Variants in LDB2 observed in about 807,000 individuals in gnomAD.
LDB2 encodes LIM domain binding 2.
In LDB2, 12 loss-of-function variants were observed where a neutral mutation model predicts 44.3. The ratio of observed to expected loss-of-function variants is 0.27; its 90% CI spans 0.17 to 0.44. LDB2 has a LOEUF of 0.44. Ranked by LOEUF, LDB2 falls within the 20% of genes least tolerant of loss-of-function variation. The pLI, the probability that LDB2 is intolerant of heterozygous loss-of-function variation, is 1.00. For missense variants in LDB2, 344 were observed against 473.5 expected (o/e 0.73, Z 2.54); for synonymous variants, 164 against 174.8 (o/e 0.94, Z 0.49).
At chr4:16,663,862 G>T (rs1317513908) in intron 2 of LDB2, among the ~76,000 whole-genome samples, 1 of 152,156 alleles carries the variant, frequency 6.6e-6, no homozygotes, top group Non-Finnish European at 1.5e-5. Flanking sequence ...CCAATGAGTA[G>T]AATCTGTCTT....
intron 2 of LDB2, chr4:16,651,095 T>G (rs2152524484): frequency 6.6e-6 from 1 of 152,360 alleles, no homozygotes. Context: ...TCTGTATTGT[T>G]AAGCAATTTT....
At chr4:16,881,457 C>A (rs996688647) in intron 1 of LDB2, among the ~76,000 whole-genome samples, 3 of 152,194 alleles carry the variant, frequency 2.0e-5, no homozygotes, top group Non-Finnish European at 4.4e-5. Flanking sequence ...ATGGCTCCTG[C>A]TCCTGGATTT....
At chr4:16,535,554 C>G (rs75181583) in intron 5 of LDB2, among the ~76,000 whole-genome samples, 2 of 152,114 alleles carry the variant, frequency 1.3e-5, no homozygotes, top group African/African-American at 4.8e-5. Context: ...GGGAAGAACA[C>G]GGGCTGCGGA....
chr4:16,665,456 G>A (rs1241807519), intron 2 of LDB2, among the ~76,000 whole-genome samples: 12 of 152,028 alleles, frequency 7.9e-5, no homozygotes, highest in South Asian at 6.2e-4. Flanking sequence ...TATTAGAGAC[G>A]GGGTTTCACC....
At chr4:16,645,414 G>A (rs1357436466) in intron 2 of LDB2, among the ~76,000 whole-genome samples, 2 of 151,650 alleles carry the variant, frequency 1.3e-5, no homozygotes, top group Non-Finnish European at 2.9e-5. Context: ...GCGGGCGCCT[G>A]TAGTCCCAGC....
At chr4:16,591,382 G>A (rs1294786445) in intron 3 of LDB2, among the ~76,000 whole-genome samples, 1 of 152,120 alleles carries the variant, frequency 6.6e-6, no homozygotes, top group Non-Finnish European at 1.5e-5. Context: ...AAATTGTCAT[G>A]GGCCTACAAA....
chr4:16,531,522 TCTATTTGTGCAGCCATAGGACCTTATCA>T (rs1431805318), intron 5 of LDB2, among the ~76,000 whole-genome samples: 1 of 152,212 alleles, frequency 6.6e-6, no homozygotes, highest in African/African-American at 2.4e-5. Context: ...ATTCACTTTC[TCTATTTGTGCAGCCATAGGACCTTATCA>T]CTATTGCTGT....
chr4:16,530,044 A>G (rs1729608077), intron 5 of LDB2, among the ~76,000 whole-genome samples: 1 of 152,094 alleles, frequency 6.6e-6, no homozygotes, highest in South Asian at 2.1e-4. Flanking sequence ...TCACAAGTTC[A>G]CTCTGGGCCA....
At chr4:16,878,735 T>G (rs1041400869) in intron 1 of LDB2, among the ~76,000 whole-genome samples, 1 of 152,352 alleles carries the variant, frequency 6.6e-6, no homozygotes, top group Admixed American at 6.5e-5. Flanking sequence ...ATCAGCTCCC[T>G]CCTGCTACAG....
intron 2 of LDB2, among the ~76,000 whole-genome samples, chr4:16,743,341 C>T (rs1419176839): frequency 6.6e-6 from 1 of 152,056 alleles, no homozygotes; most frequent in African/African-American, 2.4e-5. Flanking sequence ...TATGTATCTG[C>T]CTCATGCCCT....
At chr4:16,544,151 G>A (rs944683935) in intron 5 of LDB2, among the ~76,000 whole-genome samples, 9 of 152,210 alleles carry the variant, frequency 5.9e-5, no homozygotes, top group South Asian at 2.1e-4. Context: ...TGTCATGCAT[G>A]TGTGTAGGCA....
intron 2 of LDB2, among the ~76,000 whole-genome samples, chr4:16,699,817 A>C (rs1753033541): frequency 6.6e-6 from 1 of 152,224 alleles, no homozygotes; most frequent in South Asian, 2.1e-4. Flanking sequence ...CATGTGCCTC[A>C]GAGGGACGAG....
At chr4:16,687,405 C>A (rs1051910584) in intron 2 of LDB2, among the ~76,000 whole-genome samples, 5 of 152,200 alleles carry the variant, frequency 3.3e-5, no homozygotes, top group Admixed American at 3.3e-4. Flanking sequence ...GCCTATGAAC[C>A]AGGAAGCAGG....
intron 5 of LDB2, among the ~76,000 whole-genome samples, chr4:16,565,785 G>A (rs1432527416): frequency 6.6e-6 from 1 of 151,940 alleles, no homozygotes; most frequent in Non-Finnish European, 1.5e-5. Context: ...TAGTTTAAAG[G>A]TGTCTGGGAA....
intron 1 of LDB2, among the ~76,000 whole-genome samples, chr4:16,766,466 A>ATGTGTGTGTGTGTGTG (rs1491271485): frequency 3.3e-5 from 2 of 61,202 alleles, no homozygotes; most frequent in Non-Finnish European, 7.3e-5. Flanking sequence ...ACACACACAT[A>ATGTGTGTGTGTGTGTG]TATGTGTGTG....
intron 5 of LDB2, among the ~76,000 whole-genome samples, chr4:16,518,484 G>GTTT (rs200270859): frequency 0.21 from 30,332 of 147,006 alleles, 3,310 homozygotes; most frequent in South Asian, 0.32. Flanking sequence ...TGCTTGTGTT[G>GTTT]TTTTTTTTTT....
At chr4:16,764,525 C>CAA (rs112962985) in intron 1 of LDB2, among the ~76,000 whole-genome samples, 15 of 109,888 alleles carry the variant, frequency 1.4e-4, no homozygotes, top group African/African-American at 1.9e-4. Context: ...ACAATCACTA[C>CAA]AAAAAAAAAA....
At chr4:16,817,794 G>T (rs897074764) in intron 1 of LDB2, among the ~76,000 whole-genome samples, 3 of 152,144 alleles carry the variant, frequency 2.0e-5, no homozygotes, top group African/African-American at 7.2e-5. Flanking sequence ...AGTATCGAGC[G>T]CAAGGAGTCA....
chr4:16,833,854 A>G (rs1200132581), intron 1 of LDB2, among the ~76,000 whole-genome samples: 4 of 151,792 alleles, frequency 2.6e-5, no homozygotes, highest in Non-Finnish European at 5.9e-5. Flanking sequence ...CTCATTTTCT[A>G]TTACTCAGTC....
Sources: gnomAD v4.1 joint callset for allele counts (sites outside exome capture counted in the v4.1 genomes callset) on GRCh38, gnomAD v4.1.1 for gene constraint, MANE v1.5 for transcripts, NCBI Gene and HGNC (gene_info 2026-07-23, HGNC 2026-07-21) for gene names.